Variants in ARAP2 observed in about 807,000 individuals in gnomAD.
ARAP2 encodes ArfGAP with RhoGAP domain, ankyrin repeat and PH domain 2.
ARAP2 carries 148 observed loss-of-function variants against 194.5 expected under a neutral mutation model. The ratio of observed to expected loss-of-function variants is 0.76; its 90% CI spans 0.67 to 0.87. The LOEUF is 0.87. Ranked by LOEUF, ARAP2 falls within the 40% of genes least tolerant of loss-of-function variation. The pLI is 0.00. For synonymous variants in ARAP2, 695 were observed against 683.5 expected (o/e 1.02, Z -0.26); for missense variants, 2,128 against 1,989.7 (o/e 1.07, Z -1.32).
At chr4:36,095,379 G>A (rs1216407869) in intron 27 of ARAP2, among the ~76,000 whole-genome samples, 88 of 152,072 alleles carry the variant, frequency 5.8e-4, no homozygotes. Flanking sequence ...GATAATTTTT[G>A]ATCTGGTTTT....
At position 36,140,139 on chromosome 4, in the gene ARAP2, TACAC is replaced by T. The variant is rs66531233; in HGVS notation, c.3264-6754_3264-6751del. Among the ~76,000 whole-genome samples the T allele has an allele frequency of 2.0e-3, 280 of 140,476 alleles. 3 individuals carry two copies. Among genetic ancestry groups the T allele is most frequent in the African/African-American group, 4.1e-3 (157 of 38,542 alleles). 92.2% of individuals were successfully genotyped at this position (140,476 alleles called of 152,430 possible). A position where few individuals can be genotyped will look rare whatever the true frequency, so the allele number is the denominator to read the frequency against. ...TCTTTAAAAAACAAAACAAAAACAA[TACAC>T]ACACACACACACACACACACACACA... On this transcript the variant is annotated intron_variant, in intron 19 of 32. Coordinates refer to ENST00000303965, the MANE Select transcript of ARAP2 (RefSeq NM_015230.4).
intron 28 of ARAP2, among the ~76,000 whole-genome samples, chr4:36,089,774 T>C (rs932216296): frequency 6.6e-6 from 1 of 152,112 alleles, no homozygotes; most frequent in Non-Finnish European, 1.5e-5. Context: ...ATAATTTTTA[T>C]TGAACTGCTT....
chr4:36,173,332 A>C (rs1737072067), intron 9 of ARAP2, among the ~76,000 whole-genome samples: 1 of 152,166 alleles, frequency 6.6e-6, no homozygotes, highest in South Asian at 2.1e-4. Flanking sequence ...ATATATGTCC[A>C]TATTTGATTA....
In ARAP2 at chr4:36,014,320, A is replaced by AGAG. The variant is rs1560264988; in HGVS notation, n.1056+1065_1056+1066insCTC. Among the ~76,000 whole-genome samples the AGAG allele has an allele frequency of 2.1e-3, 221 of 106,964 alleles. 11 individuals carry two copies. The highest frequency in any genetic ancestry group is 7.5e-3 in the African/African-American group (208 of 27,656). The allele number at this position is 106,964 out of a possible 152,430, so 70.2% of individuals were successfully genotyped here. On this transcript the variant is annotated intron_variant and non_coding_transcript_variant, in intron 8 of 12. Coordinates refer to the ARAP2 transcript ENST00000503225. ...AAGAAGAGAAGGAAGGAAAGAAAGA[A>AGAG]AGAGAGAAAGAAAGAAAGAAAGAAA...
intron 5 of ARAP2, among the ~76,000 whole-genome samples, chr4:36,038,436 A>G (rs1460966056): frequency 1.3e-5 from 2 of 152,160 alleles, no homozygotes; most frequent in African/African-American, 2.4e-5. Flanking sequence ...AATAGCACCT[A>G]TATTTCTGGA....
At chr4:36,238,390 G>A (rs1390207716) in intron 1 of ARAP2, among the ~76,000 whole-genome samples, 1 of 152,212 alleles carries the variant, frequency 6.6e-6, no homozygotes. Context: ...GACGCTGAAT[G>A]TCACGCAATA....
At chr4:36,168,240 G>A (rs1735736004) in intron 9 of ARAP2, among the ~76,000 whole-genome samples, 1 of 152,106 alleles carries the variant, frequency 6.6e-6, no homozygotes, top group African/African-American at 2.4e-5. Context: ...AAAAGCCTTA[G>A]AAGAAGAAAG....
intron 1 of ARAP2, among the ~76,000 whole-genome samples, chr4:36,241,707 T>C (rs1230517863): frequency 2.0e-5 from 3 of 152,180 alleles, no homozygotes; most frequent in African/African-American, 7.2e-5. Context: ...GAATTTGATA[T>C]ATTCCAAAAA....
intron 27 of ARAP2, among the ~76,000 whole-genome samples, chr4:36,100,121 TGAAA>T (rs1716457039): frequency 6.6e-6 from 1 of 152,054 alleles, no homozygotes; most frequent in Non-Finnish European, 1.5e-5. Context: ...CAGGTCGCCT[TGAAA>T]GAGTTATGTA....
chr4:36,177,594 T>C (rs1738255061), intron 9 of ARAP2, among the ~76,000 whole-genome samples: 1 of 152,182 alleles, frequency 6.6e-6, no homozygotes, highest in Non-Finnish European at 1.5e-5. Context: ...TAATTTTACT[T>C]CCTCAATACC....
intron 3 of ARAP2, chr4:36,047,152 T>C (rs1212547103): frequency 6.6e-6 from 1 of 152,270 alleles, no homozygotes; most frequent in Non-Finnish European, 1.5e-5. Context: ...CTCTGCACTG[T>C]GGCGTCTGCC....
At chr4:36,196,939 G>A (rs981045435) in intron 6 of ARAP2, among the ~76,000 whole-genome samples, 10 of 151,210 alleles carry the variant, frequency 6.6e-5, no homozygotes, top group Non-Finnish European at 1.5e-4. Context: ...CATCTTTAAC[G>A]TCATTTCACC....
Position 36,115,203 on chromosome 4 carries a change from A to G in ARAP2, c.4039-916T>C, listed in dbSNP as rs576601890. ...TCACTGCAGGTAACTCGCAAAGTCT[A>G]CCTTTTGTATTTTATGAAATTTAGT... On this transcript the variant is annotated intron_variant, in intron 25 of 32. Transcript: ENST00000303965. Among the ~76,000 whole-genome samples the G allele has an allele frequency of 3.9e-5, 6 of 152,140 alleles. No individual in the cohort carries two copies. The East Asian group carries it at 1.2e-3, about 30-fold the overall frequency.
chr4:36,090,231 C>T (rs950163569), intron 28 of ARAP2, among the ~76,000 whole-genome samples: 4 of 152,068 alleles, frequency 2.6e-5, no homozygotes, highest in African/African-American at 9.7e-5. Context: ...CCGAACAGAC[C>T]AATAACCAGT....
intron 11 of ARAP2, among the ~76,000 whole-genome samples, chr4:36,164,653 T>G (rs148640355): frequency 2.9e-4 from 44 of 152,308 alleles, no homozygotes; most frequent in Non-Finnish European, 5.3e-4. Context: ...AAATCTAGAA[T>G]TTTCAACACT....
intron 19 of ARAP2, among the ~76,000 whole-genome samples, chr4:36,144,434 T>C (rs1419473834): frequency 2.0e-5 from 3 of 151,904 alleles, no homozygotes; most frequent in African/African-American, 7.2e-5. Context: ...CCTCATTATT[T>C]CTGGACATAA....
At chr4:36,142,270 C>G (rs931420839) in intron 19 of ARAP2, among the ~76,000 whole-genome samples, 2 of 151,638 alleles carry the variant, frequency 1.3e-5, no homozygotes, top group African/African-American at 4.8e-5. Flanking sequence ...AGGGATCTTG[C>G]TCTCTTGTTT....
chr4:36,039,653 C>A lies in ARAP2; in HGVS notation n.607+6326G>T, dbSNP rs73123416. ...CCAAGCCTTGTGACGATCATTTGAGCCCTTCCCATTAAAACGATCTCCTGT... is the reference window on the plus strand; with the variant it reads ...CCAAGCCTTGTGACGATCATTTGAGACCTTCCCATTAAAACGATCTCCTGT... On this transcript the variant is annotated intron_variant and non_coding_transcript_variant, in intron 5 of 12. Coordinates refer to the ARAP2 transcript ENST00000503225. Among the ~76,000 whole-genome samples, 823 of 152,246 alleles carry A rather than the reference C, an allele frequency of 5.4e-3. 9 individuals are homozygous for A. The highest frequency in any genetic ancestry group is 0.019 in the African/African-American group (783 of 41,554).
rs1199802122 is a variant in ARAP2 at position 36,121,264 on chromosome 4, G to C, written c.3809C>G (p.Ser1270Cys). 6.2e-7 allele frequency: 1 copy of C among 1,605,206 alleles called. No homozygotes were observed. The highest frequency in any genetic ancestry group is 1.1e-5 in the South Asian group (1 of 90,048). ...TTGTCCCTTCGTTTGAAACAAACAGGATGAAAAGACCAAGGCCAAATTATG... is the reference window on the plus strand; with the variant it reads ...TTGTCCCTTCGTTTGAAACAAACAGCATGAAAAGACCAAGGCCAAATTATG... ...NAHNLALVFS[S>C]CLFQTKGQTS... is the part of the protein sequence containing the mutation. Residue 1270 changes from serine to cysteine, a missense_variant, in exon 23 of 33, where the codon TCC becomes TGC. Physicochemically the swap from Ser to Cys is moderately radical, Grantham distance 112 (BLOSUM62 -1). Transcript: ENST00000303965.
Sources: allele counts gnomAD v4.1 joint callset (sites outside exome capture counted in the v4.1 genomes callset), GRCh38; gene constraint gnomAD v4.1.1; transcripts MANE v1.5; gene names NCBI Gene and HGNC (gene_info 2026-07-23, HGNC 2026-07-21).